The following KCNJ6 variants were observed in gnomAD, a reference collection of about 807,000 sequenced individuals.
KCNJ6 encodes the protein G protein-activated inward rectifier potassium channel 2.
In KCNJ6, 9 loss-of-function variants were observed where a neutral mutation model predicts 34.2. The ratio of observed to expected loss-of-function variants is 0.26; its 90% CI spans 0.16 to 0.46. KCNJ6 has a LOEUF of 0.46. Ranked by LOEUF, KCNJ6 falls within the 20% of genes least tolerant of loss-of-function variation. The pLI is 1.00. For missense variants in KCNJ6, 236 were observed against 531.3 expected (o/e 0.44, Z 5.46); for synonymous variants, 196 against 207.1 (o/e 0.95, Z 0.46).
chr21:37,874,075 C>CT (rs539730047), intron 1 of KCNJ6, among the ~76,000 whole-genome samples: 224 of 152,302 alleles, frequency 1.5e-3, no homozygotes, highest in Admixed American at 2.5e-3. Context: ...GCCTCCATCT[C>CT]TCTTAAACTC....
chr21:37,849,187 A>C (rs1172061209), intron 1 of KCNJ6, among the ~76,000 whole-genome samples: 1 of 152,168 alleles, frequency 6.6e-6, no homozygotes, highest in Non-Finnish European at 1.5e-5. Context: ...TCTGCTTCCA[A>C]GATGCACCTA....
intron 2 of KCNJ6, chr21:37,716,970 T>C (rs529309621): frequency 2.6e-5 from 4 of 154,428 alleles, no homozygotes; most frequent in Middle Eastern, 5.1e-4. Context: ...AAAGGACAAA[T>C]GTCATCTCTC....
intron 2 of KCNJ6, among the ~76,000 whole-genome samples, chr21:37,837,118 C>T (rs1255708696): frequency 1.3e-5 from 2 of 152,072 alleles, no homozygotes; most frequent in Non-Finnish European, 2.9e-5. Context: ...ATATACCGTA[C>T]ATATATTTTC....
rs78443969 is a variant in KCNJ6, at chr21:37,685,706, A to AAAAAAAAAAG, written c.946+28504_946+28505insCTTTTTTTTT. 8.7e-3 allele frequency among the ~76,000 whole-genome samples: 442 copies of AAAAAAAAAAG among 51,022 alleles called. 143 individuals carry two copies. Among genetic ancestry groups the AAAAAAAAAAG allele is most frequent in the African/African-American group, 0.023 (415 of 18,044 alleles). 33.5% of individuals were successfully genotyped at this position (51,022 alleles called of 152,430 possible). ...CAAAAAAAAAAAAAAAAAAAAAAAA[A>AAAAAAAAAAG]AATCTATCCTATGGATATCAGAGGT... On this transcript the variant is annotated intron_variant, in intron 3 of 3. Coordinates refer to ENST00000609713, the MANE Select transcript of KCNJ6 (RefSeq NM_002240.5).
At chr21:37,834,647 T>C (rs1417969440) in intron 2 of KCNJ6, among the ~76,000 whole-genome samples, 1 of 152,238 alleles carries the variant, frequency 6.6e-6, no homozygotes, top group Non-Finnish European at 1.5e-5. Context: ...ACCACTCTGC[T>C]TTAATTGAGC....
rs2054280612 is a variant in KCNJ6 at position 37,618,563 on chromosome 21, G to A, written c.*6596C>T. On this transcript the variant is annotated 3_prime_UTR_variant, in exon 4 of 4. Transcript: ENST00000609713. Reference sequence around the variant, plus strand: ...TTGATGATCGGTGTTAAAACAATGGGCACTGAGCCTTAATCTTGAAATGGG... The same window carrying A: ...TTGATGATCGGTGTTAAAACAATGGACACTGAGCCTTAATCTTGAAATGGG... 1 of 152,140 alleles carries A rather than the reference G, an allele frequency of 6.6e-6. No homozygotes were observed. The highest frequency in any genetic ancestry group is 1.5e-5 in the Non-Finnish European group (1 of 68,026). The allele number at this position is 152,140 out of a possible 1,614,324, so 9.4% of individuals were successfully genotyped here. A position where few individuals can be genotyped will look rare whatever the true frequency, so the allele number is the denominator to read the frequency against.
intron 1 of KCNJ6, among the ~76,000 whole-genome samples, chr21:37,842,235 C>T (rs1027687330): frequency 6.6e-6 from 1 of 152,168 alleles, no homozygotes; most frequent in Non-Finnish European, 1.5e-5. Context: ...GTGTTCCAGC[C>T]CCTCTGCCAT....
chr21:37,703,702 G>A (rs2054704000), intron 3 of KCNJ6, among the ~76,000 whole-genome samples: 1 of 152,156 alleles, frequency 6.6e-6, no homozygotes, highest in Admixed American at 6.5e-5. Flanking sequence ...CCTGGGTCAT[G>A]GGTGCTCACT....
At chr21:37,655,672 A>G (rs189031095) in intron 3 of KCNJ6, among the ~76,000 whole-genome samples, 1 of 152,324 alleles carries the variant, frequency 6.6e-6, no homozygotes, top group Middle Eastern at 3.4e-3. Context: ...TTGGCTTCTT[A>G]TAATCCAGTG....
At chr21:37,704,371 C>T (rs80235306) in intron 3 of KCNJ6, among the ~76,000 whole-genome samples, 4,924 of 152,270 alleles carry the variant, frequency 0.032, 264 homozygotes, top group African/African-American at 0.11. Flanking sequence ...TTTATCACTA[C>T]TTTAGCTTTC....
intron 2 of KCNJ6, among the ~76,000 whole-genome samples, chr21:37,758,789 C>T (rs1568837453): frequency 6.6e-6 from 1 of 152,144 alleles, no homozygotes; most frequent in Non-Finnish European, 1.5e-5. Flanking sequence ...TGCCACCATG[C>T]CTGCCTACTT....
At chr21:37,847,075 A>C (rs2055512732) in intron 1 of KCNJ6, among the ~76,000 whole-genome samples, 1 of 152,234 alleles carries the variant, frequency 6.6e-6, no homozygotes. Flanking sequence ...TTTTTTGCCT[A>C]ATGAAAAACA....
At chr21:37,862,739 T>C (rs2055600957) in intron 1 of KCNJ6, among the ~76,000 whole-genome samples, 1 of 152,218 alleles carries the variant, frequency 6.6e-6, no homozygotes, top group Non-Finnish European at 1.5e-5. Context: ...TCTGGCAGTT[T>C]TGTAAAAGAG....
rs73409901 is a variant in KCNJ6, at chr21:37,763,434, C to T, written c.26-48303G>A. Reference sequence around the variant, plus strand: ...CTGATCCTAGAGGAGCCACAGAGCTCGGCCCTTCCCCACCCCCGCCTTGAT... The same window carrying T: ...CTGATCCTAGAGGAGCCACAGAGCTTGGCCCTTCCCCACCCCCGCCTTGAT... On this transcript the variant is annotated intron_variant, in intron 2 of 3. Coordinates refer to ENST00000609713, the MANE Select transcript of KCNJ6 (RefSeq NM_002240.5). Among the ~76,000 whole-genome samples the T allele has an allele frequency of 9.8e-3, 1,498 of 152,302 alleles. 19 individuals are homozygous for T. The highest frequency in any genetic ancestry group is 0.034 in the African/African-American group (1,413 of 41,550).
chr21:37,909,458 T>G (rs1329212664), intron 1 of KCNJ6, among the ~76,000 whole-genome samples: 3 of 151,854 alleles, frequency 2.0e-5, no homozygotes, highest in Non-Finnish European at 4.4e-5. Context: ...ATCTGCCTCC[T>G]GGGTTCAAGC....
intron 1 of KCNJ6, among the ~76,000 whole-genome samples, chr21:37,860,283 G>A (rs1029584162): frequency 9.2e-5 from 14 of 152,038 alleles, no homozygotes; most frequent in African/African-American, 3.4e-4. Context: ...TTGAGTTTGA[G>A]CTCCTTCATG....
chr21:37,608,948 C>A lies in KCNJ6; in HGVS notation c.*16211G>T, dbSNP rs2054233484. 1 of 152,288 alleles carries A rather than the reference C, an allele frequency of 6.6e-6. No individual in the cohort carries two copies. Among genetic ancestry groups the A allele is most frequent in the South Asian group, 2.1e-4 (1 of 4,826 alleles). 9.4% of individuals were successfully genotyped at this position (152,288 alleles called of 1,614,324 possible). On this transcript the variant is annotated 3_prime_UTR_variant, in exon 4 of 4. Transcript: ENST00000609713. ...ATTTTGAGTGGAGTTTTGTCCTTGTCTAGTTTTAGTTGCCTGTTGGGATCC... is the reference window on the plus strand; with the variant it reads ...ATTTTGAGTGGAGTTTTGTCCTTGTATAGTTTTAGTTGCCTGTTGGGATCC...
intron 1 of KCNJ6, among the ~76,000 whole-genome samples, chr21:37,869,552 G>A (rs1405879178): frequency 6.6e-6 from 1 of 152,184 alleles, no homozygotes; most frequent in South Asian, 2.1e-4. Flanking sequence ...TAGCTCACCT[G>A]CTCATTTCAA....
chr21:37,853,861 T>TATATATATATATAA lies in KCNJ6; in HGVS notation c.-27-13153_-27-13152insTTATATATATATAT, dbSNP rs940498600. ...ATATATATATGTATATATATATATA[T>TATATATATATATAA]AAATTACATTGTGTATATATACATA... On this transcript the variant is annotated intron_variant, in intron 1 of 3. Coordinates refer to ENST00000609713, the MANE Select transcript of KCNJ6 (RefSeq NM_002240.5). Among the ~76,000 whole-genome samples the TATATATATATATAA allele has an allele frequency of 6.8e-5, 10 of 146,732 alleles. 1 individual carries two copies. Among genetic ancestry groups the TATATATATATATAA allele is most frequent in the African/African-American group, 1.5e-4 (6 of 40,316 alleles).
Sources: gnomAD v4.1 joint callset for allele counts (sites outside exome capture counted in the v4.1 genomes callset) on GRCh38, gnomAD v4.1.1 for gene constraint, MANE v1.5 for transcripts, NCBI Gene and HGNC (gene_info 2026-07-23, HGNC 2026-07-21) for gene names.